HAO1: variants seen among roughly 807,000 people sequenced by gnomAD.
HAO1 encodes the protein hydroxyacid oxidase 1, also known as 2-Hydroxyacid oxidase 1.
A neutral mutation model predicts 39.7 loss-of-function variants in HAO1; 34 were observed. The observed-to-expected ratio is 0.86, with a 90% CI of 0.65 to 1.14. The LOEUF (loss-of-function observed/expected upper bound fraction) is 1.14. HAO1 is among the 50% of genes most tolerant of loss of function. The probability of loss-of-function intolerance (pLI) is 0.00; values close to 1 mark genes in which losing one functional copy is unlikely to be tolerated. For missense variants in HAO1, 479 were observed against 464.5 expected (o/e 1.03, Z -0.29); for synonymous variants, 172 against 173.2 (o/e 0.99, Z 0.05).
chr20:7,891,490 A>T (rs2050173956), intron 5 of HAO1, among the ~76,000 whole-genome samples: 1 of 151,798 alleles, frequency 6.6e-6, no homozygotes, highest in African/African-American at 2.4e-5. Flanking sequence ...CATTCCATGG[A>T]TTGTCTATTT....
intron 3 of HAO1, among the ~76,000 whole-genome samples, chr20:7,907,258 C>A (rs1197886385): frequency 6.6e-6 from 1 of 151,928 alleles, no homozygotes; most frequent in Non-Finnish European, 1.5e-5. Context: ...ATTATCAATA[C>A]CTTCATTTCT....
chr20:7,910,063 A>T (rs1381935568), intron 3 of HAO1, among the ~76,000 whole-genome samples: 1 of 152,196 alleles, frequency 6.6e-6, no homozygotes, highest in Non-Finnish European at 1.5e-5. Flanking sequence ...TGTATGTTCT[A>T]GTATATTTTA....
At chr20:7,909,348 T>C (rs2050264437) in intron 3 of HAO1, among the ~76,000 whole-genome samples, 1 of 140,410 alleles carries the variant, frequency 7.1e-6, no homozygotes, top group Admixed American at 7.4e-5. Context: ...GCTATTTTTA[T>C]TCGGATTATG....
intron 3 of HAO1, among the ~76,000 whole-genome samples, chr20:7,913,645 T>C (rs115841687): frequency 0.01 from 1,525 of 152,316 alleles, 25 homozygotes; most frequent in African/African-American, 0.033. Flanking sequence ...CTAAGATGAA[T>C]GATTTGAGTG....
chr20:7,883,357 T>C lies in HAO1; in HGVS notation c.*236A>G. The C allele has an allele frequency of 1.9e-6, 1 of 535,042 alleles. No homozygotes were observed. The highest frequency in any genetic ancestry group is 2.6e-5 in the South Asian group (1 of 38,572). 33.1% of individuals were successfully genotyped at this position (535,042 alleles called of 1,614,324 possible). A position where few individuals can be genotyped will look rare whatever the true frequency, so the allele number is the denominator to read the frequency against. ...AAACACATTTTCAATGTTTTCTTTT[T>C]AACAGTTAATATATTTCCAGGATGA... On this transcript the variant is annotated 3_prime_UTR_variant, in exon 8 of 8. Transcript: ENST00000378789.
rs751296083 is a variant in HAO1 at position 7,940,316 on chromosome 20, G to A, written c.107C>T (p.Thr36Ile). 4.6e-5 allele frequency: 74 copies of A among 1,606,582 alleles called. No individual in the cohort carries two copies. The highest frequency in any genetic ancestry group is 5.6e-5 in the Non-Finnish European group (66 of 1,177,764). ...AAATGCTGCAATATTATCAGCCAAAGTTTCTTCATCATTTGCCCCAGACCT... is the reference window on the plus strand; with the variant it reads ...AAATGCTGCAATATTATCAGCCAAAATTTCTTCATCATTTGCCCCAGACCT... ...YYRSGANDEE[T>I]LADNIAAFSR... Residue 36 changes from threonine to isoleucine, a missense_variant, in exon 1 of 8, where the codon ACT becomes ATT. Transcript: ENST00000378789.
At chr20:7,936,550 G>GTGTGTGTGTGTGTGTGTGTGTGTGTT (rs1292549632) in intron 1 of HAO1, among the ~76,000 whole-genome samples, 16 of 141,070 alleles carry the variant, frequency 1.1e-4, no homozygotes, top group African/African-American at 4.2e-4. Flanking sequence ...GTGTGTGTTC[G>GTGTGTGTGTGTGTGTGTGTGTGTGTT]CGCGCGCGCG....
intron 4 of HAO1, among the ~76,000 whole-genome samples, chr20:7,903,549 GTTGTC>G (rs1369175859): frequency 6.6e-6 from 1 of 151,742 alleles, no homozygotes; most frequent in East Asian, 2.0e-4. Flanking sequence ...GGTGGTGGTG[GTTGTC>G]TTGGTAATGG....
At chr20:7,936,668 G>A (rs2050413836) in intron 1 of HAO1, among the ~76,000 whole-genome samples, 1 of 151,928 alleles carries the variant, frequency 6.6e-6, no homozygotes, top group Admixed American at 6.6e-5. Context: ...TCCACTTGGT[G>A]GCGCAGTCAC....
rs1192934402 is a variant in HAO1 at position 7,883,438 on chromosome 20, T to C, written c.*155A>G. The C allele has an allele frequency of 1.6e-6, 1 of 629,420 alleles. No individual in the cohort carries two copies. The highest frequency in any genetic ancestry group is 2.9e-6 in the Non-Finnish European group (1 of 350,876). 39.0% of individuals were successfully genotyped at this position (629,420 alleles called of 1,614,324 possible). A position where few individuals can be genotyped will look rare whatever the true frequency, so the allele number is the denominator to read the frequency against. ...ACACCCATTGAAAAGTCAAAAGCAA[T>C]GAAATAAAAGGGATTGCTATTTTGT... On this transcript the variant is annotated 3_prime_UTR_variant, in exon 8 of 8. Transcript: ENST00000378789.
Position 7,885,541 on chromosome 20 carries a change from C to A in HAO1, c.1022G>T (p.Arg341Leu), listed in dbSNP as rs138358725. The change falls in exon 7 of 8, where the codon CGG becomes CTG. Residue 341 changes from arginine (R) to leucine (L), a missense_variant. Physicochemically the swap from Arg to Leu is moderately radical, Grantham distance 102. Coordinates refer to ENST00000378789, the MANE Select transcript of HAO1 (RefSeq NM_017545.3). ...CTTACCACTCAGAGCCATGGCCAAC[C>A]GGAATTCTTCCTTTAGTATCTCGAG... ...DVLEILKEEF[R>L]LAMALSGCQN... 301 of 1,611,144 alleles carry A rather than the reference C, an allele frequency of 1.9e-4. No homozygotes were observed. The highest frequency in any genetic ancestry group is 2.4e-4 in the Non-Finnish European group (279 of 1,177,530).
At chr20:7,938,265 T>G (rs2235243) in intron 1 of HAO1, among the ~76,000 whole-genome samples, 45,299 of 151,892 alleles carry the variant, frequency 0.3, 7,555 homozygotes, top group East Asian at 0.48. Context: ...GGAATCAAGG[T>G]TCACCTAGCG....
At chr20:7,909,540 A>C (rs2050267416) in intron 3 of HAO1, among the ~76,000 whole-genome samples, 1 of 151,040 alleles carries the variant, frequency 6.6e-6, no homozygotes, top group African/African-American at 2.4e-5. Context: ...GTGAGAAACA[A>C]GATTTCTTCT....
At chr20:7,930,017 G>A (rs1413287038) in intron 2 of HAO1, among the ~76,000 whole-genome samples, 1 of 152,146 alleles carries the variant, frequency 6.6e-6, no homozygotes, top group African/African-American at 2.4e-5. Flanking sequence ...TGGCACCATA[G>A]CAATTCCCAG....
intron 2 of HAO1, among the ~76,000 whole-genome samples, chr20:7,917,960 T>C (rs2050314652): frequency 6.6e-6 from 1 of 152,224 alleles, no homozygotes; most frequent in Admixed American, 6.5e-5. Flanking sequence ...GTCCATACCA[T>C]CTATTTCTTG....
intron 3 of HAO1, among the ~76,000 whole-genome samples, chr20:7,912,580 TAAA>T (rs3031711): frequency 0.23 from 34,468 of 147,354 alleles, 4,940 homozygotes; most frequent in East Asian, 0.49. Flanking sequence ...AGAAAGTCTT[TAAA>T]AAAAAAAAAA....
Position 7,888,431 on chromosome 20 carries a change from G to A in HAO1, c.814-2567C>T, listed in dbSNP as rs191932482. ...CTATTGCATCGGTTGTTATACTCTT[G>A]ATTTTTGACATTTTAGGTATGGAAA... On this transcript the variant is annotated intron_variant, in intron 5 of 7. Coordinates refer to ENST00000378789, the MANE Select transcript of HAO1 (RefSeq NM_017545.3). Among the ~76,000 whole-genome samples the A allele has an allele frequency of 1.7e-3, 256 of 151,618 alleles. 1 individual carries two copies. Among genetic ancestry groups the A allele is most frequent in the African/African-American group, 6.1e-3 (252 of 41,288 alleles).
intron 2 of HAO1, among the ~76,000 whole-genome samples, chr20:7,917,435 T>C (rs1304305382): frequency 4.6e-5 from 7 of 150,766 alleles, no homozygotes; most frequent in Non-Finnish European, 8.9e-5. Flanking sequence ...GGCTGAGCAC[T>C]CTCCCAGGGC....
chr20:7,932,055 C>T (rs575635378), intron 2 of HAO1, among the ~76,000 whole-genome samples: 1 of 152,140 alleles, frequency 6.6e-6, no homozygotes, highest in African/African-American at 2.4e-5. Flanking sequence ...GGGGTGGTTT[C>T]CCCCATGCTG....
Sources: allele counts gnomAD v4.1 joint callset (sites outside exome capture counted in the v4.1 genomes callset), GRCh38; gene constraint gnomAD v4.1.1; transcripts MANE v1.5; gene names NCBI Gene and HGNC (gene_info 2026-07-23, HGNC 2026-07-21).